The following RBFOX1 variants were observed in gnomAD, a reference collection of about 807,000 sequenced individuals.
RBFOX1 encodes the protein RNA binding fox-1 homolog 1.
In RBFOX1, 8 loss-of-function variants were observed where a neutral mutation model predicts 57.7. That is an observed-to-expected ratio of 0.14 (90% CI 0.08 to 0.25). The LOEUF (loss-of-function observed/expected upper bound fraction) is 0.25, where lower values mean the gene tolerates loss of function less well. Ranked by LOEUF, RBFOX1 falls within the 10% of genes least tolerant of loss-of-function variation. RBFOX1 has a pLI of 1.00. For synonymous variants in RBFOX1, 326 were observed against 222.4 expected (o/e 1.47, Z -4.15); for missense variants, 611 against 548.5 (o/e 1.11, Z -1.14).
At chr16:7,504,736 TATATATATATATATATATTTA>T (rs2072343980) in intron 4 of RBFOX1, among the ~76,000 whole-genome samples, 2 of 10,116 alleles carry the variant, frequency 2.0e-4, no homozygotes, top group African/African-American at 5.3e-4. Flanking sequence ...TATATATATA[TATATATATATATATATATTTA>T]TATATATATA....
chr16:6,130,374 C>G (rs6500760), intron 1 of RBFOX1, among the ~76,000 whole-genome samples: 6 of 151,748 alleles, frequency 4.0e-5, no homozygotes, highest in African/African-American at 1.5e-4. Flanking sequence ...TTTATCCTAC[C>G]ATGCCTAAAA....
chr16:6,730,028 T>C (rs2068146043), intron 3 of RBFOX1, among the ~76,000 whole-genome samples: 5 of 152,154 alleles, frequency 3.3e-5, no homozygotes, highest in Admixed American at 3.3e-4. Flanking sequence ...TTGGAGAGCT[T>C]GGAAATAATC....
intron 3 of RBFOX1, among the ~76,000 whole-genome samples, chr16:6,780,229 A>T (rs1430488660): frequency 1.4e-5 from 1 of 69,424 alleles, no homozygotes; most frequent in Non-Finnish European, 2.3e-5. Context: ...TTATATATAT[A>T]TTTATATATA....
intron 2 of RBFOX1, among the ~76,000 whole-genome samples, chr16:6,476,809 G>A (rs201295893): frequency 3.9e-5 from 6 of 152,132 alleles, no homozygotes; most frequent in East Asian, 1.9e-4. Context: ...TTTACCTAAC[G>A]TAGAACTTCT....
At chr16:6,677,881 A>G (rs904654503) in intron 3 of RBFOX1, among the ~76,000 whole-genome samples, 3 of 152,192 alleles carry the variant, frequency 2.0e-5, no homozygotes, top group Admixed American at 1.3e-4. Context: ...GGCTCTTCCA[A>G]TTTTAGGAGC....
chr16:5,922,419 T>C (rs997662530), intron 4 of RBFOX1, among the ~76,000 whole-genome samples: 1 of 152,180 alleles, frequency 6.6e-6, no homozygotes, highest in African/African-American at 2.4e-5. Flanking sequence ...GGAGGGTGTC[T>C]CAGCTATGGA....
chr16:5,255,190 A>G (rs2062553206), intron 1 of RBFOX1, among the ~76,000 whole-genome samples: 1 of 152,182 alleles, frequency 6.6e-6, no homozygotes. Flanking sequence ...TGAGTATTAC[A>G]GAGGCAAGCC....
chr16:7,589,150 T>C (rs2094300538), intron 7 of RBFOX1, among the ~76,000 whole-genome samples: 1 of 152,240 alleles, frequency 6.6e-6, no homozygotes, highest in African/African-American at 2.4e-5. Context: ...TTCTGTATTC[T>C]TGGCGAAATT....
intron 2 of RBFOX1, among the ~76,000 whole-genome samples, chr16:6,527,171 A>G (rs1326038782): frequency 6.6e-6 from 1 of 152,250 alleles, no homozygotes; most frequent in African/African-American, 2.4e-5. Context: ...AAAAAGGGAT[A>G]TAGGGAAAAA....
chr16:5,980,919 T>C (rs187934561), intron 4 of RBFOX1, among the ~76,000 whole-genome samples: 70 of 152,282 alleles, frequency 4.6e-4, no homozygotes, highest in African/African-American at 1.7e-3. Flanking sequence ...CTACCTTCTA[T>C]GTGCCACAAG....
At chr16:5,914,699 A>G (rs966806236) in intron 4 of RBFOX1, among the ~76,000 whole-genome samples, 6 of 152,172 alleles carry the variant, frequency 3.9e-5, no homozygotes, top group African/African-American at 1.4e-4. Flanking sequence ...GATTGAGACC[A>G]TCCTGGCTAA....
At chr16:6,557,254 G>T (rs920537013) in intron 2 of RBFOX1, among the ~76,000 whole-genome samples, 1 of 150,896 alleles carries the variant, frequency 6.6e-6, no homozygotes, top group African/African-American at 2.4e-5. Flanking sequence ...CTTCTTTTTC[G>T]GGTGATGCAT....
At chr16:6,740,379 G>A (rs1487247327) in intron 3 of RBFOX1, among the ~76,000 whole-genome samples, 2 of 152,060 alleles carry the variant, frequency 1.3e-5, no homozygotes, top group African/African-American at 4.8e-5. Context: ...ACATAGTAGG[G>A]AATTTCTAAA....
intron 3 of RBFOX1, among the ~76,000 whole-genome samples, chr16:7,034,851 T>TTTTTTC (rs2043907135): frequency 1.2e-5 from 1 of 80,882 alleles, no homozygotes; most frequent in African/African-American, 5.5e-5. Context: ...CTTTTTTCTT[T>TTTTTTC]TTTTTTTTTT....
intron 4 of RBFOX1, among the ~76,000 whole-genome samples, chr16:7,386,848 T>G (rs1340625884): frequency 1.3e-5 from 2 of 152,220 alleles, no homozygotes; most frequent in Non-Finnish European, 2.9e-5. Flanking sequence ...CTACCAACAG[T>G]GTAAAAGTGT....
chr16:6,818,741 G>A (rs1334710528), intron 3 of RBFOX1, among the ~76,000 whole-genome samples: 1 of 152,140 alleles, frequency 6.6e-6, no homozygotes, highest in East Asian at 1.9e-4. Flanking sequence ...GATAGAAAAA[G>A]CCCCAAGCTT....
At position 7,308,813 on chromosome 16, in the gene RBFOX1, G is replaced by A. The variant is rs1038917058; in HGVS notation, c.28-209334G>A. On this transcript the variant is annotated intron_variant, in intron 4 of 15. Coordinates refer to ENST00000550418, the MANE Select transcript of RBFOX1 (RefSeq NM_018723.4). ...GAGGGTGGCCCCATGCACCAGCCAC[G>A]GTTATAAATTTTGGAAACATTAGGT... 6.6e-5 allele frequency among the ~76,000 whole-genome samples: 10 copies of A among 152,292 alleles called. No individual in the cohort carries two copies. The East Asian group carries it at 1.4e-3, about 21-fold the overall frequency.
intron 2 of RBFOX1, among the ~76,000 whole-genome samples, chr16:6,534,085 G>C (rs981270417): frequency 6.6e-6 from 1 of 152,054 alleles, no homozygotes; most frequent in South Asian, 2.1e-4. Flanking sequence ...TGCACATAAG[G>C]CTTCTTCAGA....
At position 6,556,061 on chromosome 16, in the gene RBFOX1, C is replaced by T. The variant is rs56073342; in HGVS notation, c.-63-98542C>T. On this transcript the variant is annotated intron_variant, in intron 2 of 15. Coordinates refer to ENST00000550418, the MANE Select transcript of RBFOX1 (RefSeq NM_018723.4). ...CTAGGGCATTTTGAGACTAGTGAAA[C>T]TCCCATGGCCTTCAGAATTATAATT... Among the ~76,000 whole-genome samples the T allele has an allele frequency of 9.1e-3, 1,390 of 152,260 alleles. 23 individuals are homozygous for T. Among genetic ancestry groups the T allele is most frequent in the African/African-American group, 0.031 (1,292 of 41,544 alleles).
Sources: gnomAD v4.1 joint callset for allele counts (sites outside exome capture counted in the v4.1 genomes callset) on GRCh38, gnomAD v4.1.1 for gene constraint, MANE v1.5 for transcripts, NCBI Gene and HGNC (gene_info 2026-07-23, HGNC 2026-07-21) for gene names.